The following PAH variants were observed in gnomAD, a reference collection of about 807,000 sequenced individuals.
PAH encodes phenylalanine-4-hydroxylase.
In PAH, 64 loss-of-function variants were observed where a neutral mutation model predicts 62.0. That is an observed-to-expected ratio of 1.03 (90% confidence interval 0.84 to 1.27). The LOEUF (loss-of-function observed/expected upper bound fraction) is 1.27. Among genes scored for constraint, PAH ranks in the 50% most tolerant of loss-of-function variants. The pLI, the probability that PAH is intolerant of heterozygous loss-of-function variation, is 0.00. For missense variants in PAH, 579 were observed against 542.8 expected (o/e 1.07, Z -0.66); for synonymous variants, 195 against 196.2 (o/e 0.99, Z 0.05).
rs1875215664 is a variant in PAH, at chr12:102,852,808, T to C, written c.842+7A>G. ...CTGGCAACTGGTAGCTGGAGGACAG[T>C]ACTCACGGTTCGGGGGTATACATGG... is the stretch of plus-strand genomic sequence containing the variant. On this transcript the variant is annotated splice_region_variant and intron_variant, in intron 7 of 12. Transcript: ENST00000553106. 1.2e-6 allele frequency: 2 copies of C among 1,613,896 alleles called. No individual in the cohort carries two copies. Among genetic ancestry groups the C allele is most frequent in the African/African-American group, 1.3e-5 (1 of 74,920 alleles).
chr12:102,886,455 T>C (rs1173790516), intron 3 of PAH, among the ~76,000 whole-genome samples: 1 of 152,228 alleles, frequency 6.6e-6, no homozygotes, highest in Non-Finnish European at 1.5e-5. Flanking sequence ...TAAGATACTA[T>C]GTATCTCATA....
rs542586219 is a variant in PAH, at chr12:102,893,797, C to T, written c.352+938G>A. 1.1e-4 allele frequency among the ~76,000 whole-genome samples: 16 copies of T among 152,254 alleles called. 1 individual carries two copies. In the South Asian group the frequency reaches 1.9e-3, roughly 18 times the overall value. On this transcript the variant is annotated intron_variant, in intron 3 of 12. Transcript: ENST00000553106. ...CCGGAGGATGAGTAGCATTTCAGTA[C>T]GTAAATAATGGGACAATGCAAGTTT...
intron 8 of PAH, among the ~76,000 whole-genome samples, chr12:102,847,842 C>T (rs187350408): frequency 2.6e-5 from 4 of 152,228 alleles, no homozygotes; most frequent in East Asian, 1.9e-4. Context: ...GAGGGAAGCA[C>T]ACTGTTGGCC....
At chr12:102,861,934 C>T (rs1430872330) in intron 5 of PAH, among the ~76,000 whole-genome samples, 3 of 139,950 alleles carry the variant, frequency 2.1e-5, no homozygotes, top group African/African-American at 2.7e-5. Flanking sequence ...CAAACCTGCA[C>T]GTTGTGCACA....
Position 102,866,655 on chromosome 12 carries a change from T to C in PAH, c.450A>G (p.Lys150=), listed in dbSNP as rs749317892. Reference sequence around the variant, plus strand: ...TCCGTCTTGCACGGTACACAGGATCTTTAAAACCCTAGGAGAAAAGAGACA... The same window carrying C: ...TCCGTCTTGCACGGTACACAGGATCCTTAAAACCCTAGGAGAAAAGAGACA... The part of the protein sequence containing the change: ...AELDADHPGF[K]DPVYRARRKQ... Residue 150 remains lysine (K), a synonymous_variant, in exon 5 of 13, where the codon AAA becomes AAG. Transcript: ENST00000553106. 4 of 1,613,414 alleles carry C rather than the reference T, an allele frequency of 2.5e-6. No individual in the cohort carries two copies. The highest frequency in any genetic ancestry group is 2.7e-5 in the African/African-American group (2 of 74,882).
intron 4 of PAH, among the ~76,000 whole-genome samples, chr12:102,874,166 T>C (rs1237424701): frequency 6.6e-6 from 1 of 152,106 alleles, no homozygotes; most frequent in Non-Finnish European, 1.5e-5. Flanking sequence ...AGACCTTAGA[T>C]GAATAGAGGT....
chr12:102,875,835 C>T (rs1876537727), intron 4 of PAH, among the ~76,000 whole-genome samples: 1 of 152,016 alleles, frequency 6.6e-6, no homozygotes. Context: ...CTCAAACTTC[C>T]TACACGTTTG....
In PAH at chr12:102,917,212, G is replaced by T. The variant is rs1878420378; in HGVS notation, c.-82C>A. On this transcript the variant is annotated 5_prime_UTR_variant, in exon 1 of 13. Transcript: ENST00000553106. Reference sequence around the variant, plus strand: ...TTGCAAACAGCACGTGGGGCTGAAGGTTTTAACCTCGCACTAGGGAGGAGA... The same window carrying T: ...TTGCAAACAGCACGTGGGGCTGAAGTTTTTAACCTCGCACTAGGGAGGAGA... 5.8e-6 allele frequency: 7 copies of T among 1,212,772 alleles called. No homozygotes were observed. Among genetic ancestry groups the T allele is most frequent in the South Asian group, 4.9e-5 (4 of 82,142 alleles). 75.1% of individuals were successfully genotyped at this position (1,212,772 alleles called of 1,614,324 possible).
chr12:102,943,286 G>A (rs1157978970), intron 1 of PAH, among the ~76,000 whole-genome samples: 1 of 152,082 alleles, frequency 6.6e-6, no homozygotes, highest in Non-Finnish European at 1.5e-5. Context: ...CTCAAGAGAA[G>A]ACATACACAC....
chr12:102,943,384 A>G (rs772777304), intron 1 of PAH, among the ~76,000 whole-genome samples: 4 of 152,126 alleles, frequency 2.6e-5, no homozygotes, highest in Non-Finnish European at 5.9e-5. Flanking sequence ...ATCTCACACT[A>G]ATCAGAATGG....
chr12:102,902,728 TGGA>T (rs1162558386), intron 2 of PAH, among the ~76,000 whole-genome samples: 1 of 152,220 alleles, frequency 6.6e-6, no homozygotes, highest in East Asian at 1.9e-4. Context: ...CACTCTAGTC[TGGA>T]GGAGGAGATC....
At chr12:102,950,791 G>A (rs1392370697) in exon 1 of PAH, 1 of 152,226 alleles carries the variant, frequency 6.6e-6, no homozygotes, top group African/African-American at 2.4e-5. Flanking sequence ...CCTCGCGGAT[G>A]AGACCCTTGG....
chr12:102,844,424 C>T lies in PAH; in HGVS notation c.977G>A (p.Trp326Ter), dbSNP rs62514959. Residue 326 changes from tryptophan to a stop codon, truncating the protein, a stop_gained, in exon 10 of 13, where the codon TGG becomes TAG. Transcript: ENST00000553106. LOFTEE classifies it high-confidence loss of function. ...GCAGAGCCCAAACTCCACAGTAAAC[C>T]AGTAAATCTGGAATGGAAAGTCAAT... ...EYIEKLATIY[W>*]FTVEFGLCKQ... 1.2e-6 allele frequency: 2 copies of T among 1,611,148 alleles called. No homozygotes were observed. The highest frequency in any genetic ancestry group is 2.2e-5 in the East Asian group (1 of 44,864).
At chr12:102,868,013 TATA>T (rs1876082962) in intron 4 of PAH, among the ~76,000 whole-genome samples, 2 of 141,920 alleles carry the variant, frequency 1.4e-5, no homozygotes, top group Non-Finnish European at 3.0e-5. Context: ...TGTATATACA[TATA>T]TACATATATA....
chr12:102,912,911 A>T lies in PAH; in HGVS notation c.61-13T>A. Reference sequence around the variant, plus strand: ...TATAGCTTGTTTCCTACAGGATAAGATGCATTTGTTTAAAACATTTTCCAC... The same window carrying T: ...TATAGCTTGTTTCCTACAGGATAAGTTGCATTTGTTTAAAACATTTTCCAC... On this transcript the variant is annotated splice_polypyrimidine_tract_variant and intron_variant, in intron 1 of 12. Transcript: ENST00000553106. The T allele has an allele frequency of 6.4e-7, 1 of 1,553,466 alleles. No individual in the cohort carries two copies. The highest frequency in any genetic ancestry group is 8.9e-7 in the Non-Finnish European group (1 of 1,124,746).
At chr12:102,904,849 C>T in intron 2 of PAH, 1 of 339,628 alleles carries the variant, frequency 2.9e-6, no homozygotes, top group Non-Finnish European at 6.0e-6. Context: ...CTCTACCAAG[C>T]TACTTTTCTT....
intron 8 of PAH, among the ~76,000 whole-genome samples, chr12:102,848,279 G>C (rs111511143): frequency 3.6e-4 from 51 of 141,050 alleles, no homozygotes; most frequent in African/African-American, 1.5e-3. Flanking sequence ...GACACCAGGA[G>C]ACTGGAGAGG....
At chr12:102,867,838 CCT>C (rs5800538) in intron 4 of PAH, among the ~76,000 whole-genome samples, 1 of 108,052 alleles carries the variant, frequency 9.3e-6, no homozygotes, top group Non-Finnish European at 1.9e-5. Context: ...TCTCTCTCCC[CCT>C]CTCTCTCTCT....
At chr12:102,921,964 TGAG>T (rs1321807811), upstream of PAH, among the ~76,000 whole-genome samples, 1 of 152,182 alleles carries the variant, frequency 6.6e-6, no homozygotes, top group Non-Finnish European at 1.5e-5. Flanking sequence ...CATTTATTTT[TGAG>T]GAGGTGAGCA....
Sources: allele counts gnomAD v4.1 joint callset (sites outside exome capture counted in the v4.1 genomes callset), GRCh38; gene constraint gnomAD v4.1.1; transcripts MANE v1.5; gene names NCBI Gene and HGNC (gene_info 2026-07-23, HGNC 2026-07-21).